The following WRAP53 variants were observed in gnomAD, a reference collection of about 807,000 sequenced individuals.
WRAP53 encodes WD repeat containing antisense to TP53, also known as telomerase Cajal body protein 1.
A neutral mutation model predicts 56.6 loss-of-function variants in WRAP53; 28 were observed. That is an observed-to-expected ratio of 0.50 (90% CI 0.37 to 0.68). The LOEUF (loss-of-function observed/expected upper bound fraction) is 0.68, where lower values mean the gene tolerates loss of function less well. Ranked by LOEUF, WRAP53 falls within the 30% of genes least tolerant of loss-of-function variation. The pLI is 0.00. For missense variants in WRAP53, 671 were observed against 715.5 expected (o/e 0.94, Z 0.71); for synonymous variants, 283 against 283.4 (o/e 1.00, Z 0.01).
intron 4 of WRAP53, among the ~76,000 whole-genome samples, chr17:7,694,016 C>T (rs2074147971): frequency 6.6e-6 from 1 of 152,074 alleles, no homozygotes; most frequent in African/African-American, 2.4e-5. Flanking sequence ...GGCCTGGTGG[C>T]TCACGCCTGT....
rs1187510138 is a variant in WRAP53, at chr17:7,699,458, TTATATATATATATATATTTATATATA to T, written c.643-1245_643-1220del. 9.3e-4 allele frequency among the ~76,000 whole-genome samples: 37 copies of T among 39,868 alleles called. 1 individual carries two copies. The highest frequency in any genetic ancestry group is 1.3e-3 in the Non-Finnish European group (34 of 25,238). 26.2% of individuals were successfully genotyped at this position (39,868 alleles called of 152,430 possible). On this transcript the variant is annotated intron_variant, in intron 4 of 10. Coordinates refer to ENST00000396463, the MANE Select transcript of WRAP53 (RefSeq NM_001143992.2). ...AAAAAATTTATATATATATATATAT[TTATATATATATATATATTTATATATA>T]TATATATATATATATATTTATATAT... is the stretch of plus-strand genomic sequence containing the variant.
intron 4 of WRAP53, among the ~76,000 whole-genome samples, chr17:7,691,209 AAAACAAACAAACAAAC>A (rs56358570): frequency 0.054 from 8,018 of 148,960 alleles, 490 homozygotes; most frequent in African/African-American, 0.15. Flanking sequence ...ACTCCATCCC[AAAACAAACAAACAAAC>A]AAACAAACAA....
Position 7,701,425 on chromosome 17 carries a change from A to G in WRAP53, c.732-34A>G. On this transcript the variant is annotated intron_variant, in intron 5 of 10. Transcript: ENST00000396463. The surrounding 1 kb of genome is among the most constrained non-coding windows in gnomAD (Gnocchi z 4.2). ...CGGCCATTCCTCCCCTTCCTTTGAC[A>G]GCACCGGGGTTTCAGTGTCCATGTC... 1.9e-6 allele frequency: 3 copies of G among 1,611,848 alleles called. No individual in the cohort carries two copies. Among genetic ancestry groups the G allele is most frequent in the Non-Finnish European group, 2.5e-6 (3 of 1,177,910 alleles).
intron 4 of WRAP53, among the ~76,000 whole-genome samples, chr17:7,691,209 AAAACAAACAAAC>A (rs56358570): frequency 0.099 from 14,774 of 148,942 alleles, 1,758 homozygotes; most frequent in African/African-American, 0.29. Flanking sequence ...ACTCCATCCC[AAAACAAACAAAC>A]AAACAAACAA....
In WRAP53 at chr17:7,692,620, C is replaced by CAA. The variant is rs1178226250; in HGVS notation, c.642+2940_642+2941dup. On this transcript the variant is annotated intron_variant, in intron 4 of 10. Coordinates refer to ENST00000396463, the MANE Select transcript of WRAP53 (RefSeq NM_001143992.2). ...CAGGCAACAGTGTAAGACTCCGTCT[C>CAA]AAAAAAAAAAAAAAAAAAAAAAGAT... Among the ~76,000 whole-genome samples, 152 of 58,664 alleles carry CAA rather than the reference C, an allele frequency of 2.6e-3. 1 individual carries two copies. The highest frequency in any genetic ancestry group is 5.9e-3 in the East Asian group (13 of 2,190). 38.5% of individuals were successfully genotyped at this position (58,664 alleles called of 152,430 possible).
rs765264100 is a variant in WRAP53, at chr17:7,700,768, G to C, written c.670G>C (p.Asp224His). The C allele has an allele frequency of 1.9e-6, 3 of 1,613,082 alleles. No homozygotes were observed. In the South Asian group the frequency reaches 3.3e-5, roughly 18 times the overall value. ...MVPVLRMVEGDTIYDYCWYSL... is the reference protein window; with the variant it reads ...MVPVLRMVEGHTIYDYCWYSL... ...CCCTGTCCTTCGAATGGTGGAAGGT[G>C]ATACCATCTATGATTACTGCTGGTA... Residue 224 changes from aspartate to histidine, a missense_variant, in exon 5 of 11, where the codon GAT becomes CAT. Asp to His is a moderately conservative substitution (Grantham distance 81). This residue lies in a region of WRAP53 where 406 missense variants were observed against 418.5 expected (regional missense o/e 0.97). Coordinates refer to ENST00000396463, the MANE Select transcript of WRAP53 (RefSeq NM_001143992.2).
Position 7,702,245 on chromosome 17 carries a change from C to A in WRAP53, c.956-99C>A. ...GACAGCATGGGGGGGATGTTGAGTC[C>A]AAGCATGTTGGTGCTGGGACGGGAG... On this transcript the variant is annotated intron_variant, in intron 7 of 10. Transcript: ENST00000396463. The surrounding 1 kb of genome is among the most constrained non-coding windows in gnomAD (Gnocchi z 5.0). The A allele has an allele frequency of 7.6e-7, 1 of 1,318,866 alleles. No individual in the cohort carries two copies. The highest frequency in any genetic ancestry group is 1.1e-6 in the Non-Finnish European group (1 of 918,420). The allele number at this position is 1,318,866 out of a possible 1,614,324, so 81.7% of individuals were successfully genotyped here.
chr17:7,687,454 C>A, upstream of WRAP53: 1 of 398,732 alleles, frequency 2.5e-6, no homozygotes, highest in Non-Finnish European at 4.4e-6. Flanking sequence ...AGCCCAGCAG[C>A]TACCTGCTCC....
At chr17:7,694,652 G>T (rs960127292) in intron 4 of WRAP53, among the ~76,000 whole-genome samples, 3 of 152,100 alleles carry the variant, frequency 2.0e-5, no homozygotes, top group African/African-American at 7.2e-5. Context: ...AGGAGTTTGA[G>T]ACCAGCCTTG....
At chr17:7,699,821 A>G (rs1035433554) in intron 4 of WRAP53, among the ~76,000 whole-genome samples, 1 of 149,918 alleles carries the variant, frequency 6.7e-6, no homozygotes, top group African/African-American at 2.5e-5. Context: ...TGTGGTCTCT[A>G]TCTCCTGGGC....
intron 4 of WRAP53, among the ~76,000 whole-genome samples, chr17:7,695,319 A>G (rs1434042825): frequency 6.6e-6 from 1 of 152,058 alleles, no homozygotes; most frequent in East Asian, 1.9e-4. Flanking sequence ...ATTTCCATAT[A>G]CTTGTGTGTA....
At position 7,701,897 on chromosome 17, in the gene WRAP53, T is replaced by A; in HGVS notation, c.955+108T>A. The A allele has an allele frequency of 1.3e-6, 2 of 1,518,382 alleles. No homozygotes were observed. The allele number at this position is 1,518,382 out of a possible 1,614,324, so 94.1% of individuals were successfully genotyped here. On this transcript the variant is annotated intron_variant, in intron 7 of 10. Coordinates refer to ENST00000396463, the MANE Select transcript of WRAP53 (RefSeq NM_001143992.2). This position sits in a 1 kb window ranked among gnomAD's most constrained non-coding sequence, Gnocchi z 4.2. ...CTGTGGGGGTTCACGCCGTCCTCTG[T>A]ACGGCCCCGGGAGCAGGTGCAGCCC...
intron 2 of WRAP53, 62 bp from the exon 3 acceptor site, chr17:7,689,162 C>A (rs1191053272): frequency 1.2e-6 from 2 of 1,613,342 alleles, no homozygotes; most frequent in Admixed American, 3.3e-5. Context: ...AGACCCACTT[C>A]TCCAGGCCTC....
chr17:7,688,592 T>G, intron 1 of WRAP53, 31 bp downstream of exon 1: 15 of 1,597,530 alleles, frequency 9.4e-6, no homozygotes, highest in African/African-American at 1.3e-5. Flanking sequence ...GTCGGATCCC[T>G]GAGAACTTCG....
rs1281325154 is a variant in WRAP53 at position 7,689,256 on chromosome 17, G to A, written c.464G>A (p.Arg155Gln). Reference protein sequence around the residue: ...AWNYSFSQLPRFLSGSWSEFS... With the variant: ...AWNYSFSQLPQFLSGSWSEFS... ...AACTACAGCTTCTCCCAGCTGCCTC[G>A]ATTTCTCAGTGGTTCCTGGTCAGAG... Residue 155 changes from arginine to glutamine, a missense_variant, in exon 3 of 11, where the codon CGA becomes CAA. Coordinates refer to ENST00000396463, the MANE Select transcript of WRAP53 (RefSeq NM_001143992.2). 1 of 1,613,942 alleles carries A rather than the reference G, an allele frequency of 6.2e-7. No individual in the cohort carries two copies. The highest frequency in any genetic ancestry group is 1.1e-5 in the South Asian group (1 of 91,052).
At chr17:7,693,102 C>T (rs1381895844) in intron 4 of WRAP53, among the ~76,000 whole-genome samples, 1 of 152,040 alleles carries the variant, frequency 6.6e-6, no homozygotes, top group African/African-American at 2.4e-5. Context: ...GTCACTGTCT[C>T]CACCTCCCTG....
intron 4 of WRAP53, among the ~76,000 whole-genome samples, chr17:7,692,137 G>A (rs1056294939): frequency 1.3e-5 from 2 of 151,312 alleles, no homozygotes; most frequent in Admixed American, 6.6e-5. Flanking sequence ...ACTGCGCCCG[G>A]CCAAGAGAGT....
chr17:7,689,353 C>T lies in WRAP53; in HGVS notation c.530+31C>T, dbSNP rs751360976. 3.7e-6 allele frequency: 6 copies of T among 1,604,274 alleles called. No individual in the cohort carries two copies. The Admixed American group carries it at 8.3e-5, about 22-fold the overall frequency. On this transcript the variant is annotated intron_variant, in intron 3 of 10. Transcript: ENST00000396463. ...GATAACAACGGGGCAGGGAGCTGAC[C>T]ACCCCCGAGATTTTCACTGTAAAAC...
At chr17:7,700,696 C>G in intron 4 of WRAP53, 45 bp from the exon 5 acceptor site, 1 of 1,438,410 alleles carries the variant, frequency 7.0e-7, no homozygotes, top group Non-Finnish European at 9.8e-7. Context: ...GCCTCAGACT[C>G]CTTTTCCCTC....
Sources: gnomAD v4.1 joint callset for allele counts (sites outside exome capture counted in the v4.1 genomes callset) on GRCh38, gnomAD v4.1.1 for gene constraint, gnomAD v4.1.1 regional missense constraint, Gnocchi (gnomAD v3.1) non-coding constraint, MANE v1.5 for transcripts, NCBI Gene and HGNC (gene_info 2026-07-23, HGNC 2026-07-21) for gene names.